MAML2: variants seen among roughly 807,000 people sequenced by gnomAD.
The protein encoded by MAML2 is mastermind like transcriptional coactivator 2.
In MAML2, 22 loss-of-function variants were observed where a neutral mutation model predicts 96.1. The observed-to-expected ratio is 0.23, with a 90% CI of 0.16 to 0.33. The LOEUF is 0.33. Ranked by LOEUF, MAML2 falls within the 10% of genes least tolerant of loss-of-function variation. The pLI, the probability that MAML2 is intolerant of heterozygous loss-of-function variation, is 1.00. For synonymous variants in MAML2, 561 were observed against 521.3 expected, an observed-to-expected ratio of 1.08 and a Z score of -1.04; for missense variants, 1,367 against 1,392.4, an observed-to-expected ratio of 0.98 and a Z score of 0.29.
At chr11:96,147,675 T>G (rs1049826917) in intron 1 of MAML2, among the ~76,000 whole-genome samples, 36 of 152,254 alleles carry the variant, frequency 2.4e-4, no homozygotes, top group African/African-American at 8.2e-4. Flanking sequence ...TCTCCATTGA[T>G]TTCTGGCTAA....
At chr11:96,173,851 G>A (rs896304277) in intron 1 of MAML2, among the ~76,000 whole-genome samples, 1 of 152,220 alleles carries the variant, frequency 6.6e-6, no homozygotes, top group African/African-American at 2.4e-5. Context: ...TTCTCCTGAA[G>A]GAGGCAAAAG....
chr11:96,294,460 G>A (rs997091533), intron 1 of MAML2, among the ~76,000 whole-genome samples: 2 of 152,170 alleles, frequency 1.3e-5, no homozygotes, highest in African/African-American at 4.8e-5. Context: ...GAAAATTTGC[G>A]CATTTTCACC....
intron 1 of MAML2, among the ~76,000 whole-genome samples, chr11:96,292,208 T>C (rs1485738908): frequency 6.6e-6 from 1 of 152,174 alleles, no homozygotes; most frequent in Non-Finnish European, 1.5e-5. Flanking sequence ...CAGCAGCATA[T>C]GATGGAAGTG....
At chr11:96,065,415 G>GCACACACACACACACACGCACA (rs1859229500) in intron 2 of MAML2, among the ~76,000 whole-genome samples, 1 of 149,462 alleles carries the variant, frequency 6.7e-6, no homozygotes, top group East Asian at 2.0e-4. Context: ...GTGCGTGCAT[G>GCACACACACACACACACGCACA]CACACACACA....
At chr11:96,075,803 C>T (rs1859425207) in intron 2 of MAML2, among the ~76,000 whole-genome samples, 1 of 152,186 alleles carries the variant, frequency 6.6e-6, no homozygotes, top group Non-Finnish European at 1.5e-5. Flanking sequence ...AGGTTTGTGG[C>T]TGGTATCATA....
intron 2 of MAML2, among the ~76,000 whole-genome samples, chr11:96,091,399 C>T (rs529699380): frequency 3.3e-5 from 5 of 152,124 alleles, no homozygotes; most frequent in East Asian, 3.8e-4. Context: ...AGGGAGTCAT[C>T]GCAGGATCAT....
intron 1 of MAML2, among the ~76,000 whole-genome samples, chr11:96,268,644 C>G (rs907611640): frequency 2.6e-5 from 4 of 152,192 alleles, no homozygotes; most frequent in African/African-American, 9.6e-5. Context: ...TAATTCCTAT[C>G]TGTCATGGGA....
chr11:96,162,557 C>T (rs528615989), intron 1 of MAML2, among the ~76,000 whole-genome samples: 5 of 151,614 alleles, frequency 3.3e-5, no homozygotes, highest in South Asian at 4.2e-4. Flanking sequence ...ACTAAAAATA[C>T]GAAATTAGCC....
At chr11:96,216,243 C>T (rs1286102764) in intron 1 of MAML2, among the ~76,000 whole-genome samples, 3 of 152,210 alleles carry the variant, frequency 2.0e-5, no homozygotes, top group Non-Finnish European at 2.9e-5. Context: ...TCTTAGCCTA[C>T]TCCTCAACCT....
At chr11:96,057,771 G>C (rs987681848) in intron 2 of MAML2, among the ~76,000 whole-genome samples, 2 of 152,148 alleles carry the variant, frequency 1.3e-5, no homozygotes, top group African/African-American at 2.4e-5. Flanking sequence ...TCCTTAAAGT[G>C]CATTTCATAC....
intron 1 of MAML2, among the ~76,000 whole-genome samples, chr11:96,239,317 A>G (rs1862401971): frequency 6.6e-6 from 1 of 152,232 alleles, no homozygotes. Flanking sequence ...ATGGCAGTAG[A>G]AGAGACGGAA....
rs189855002 is a variant in MAML2 at position 96,343,097 on chromosome 11, T to C, written c.-1202A>G. ...TATTTTCCTTTCTCTTTCTCGTCTG[T>C]TGTTAGCCGCTTTGCTGACACTGGC... is the stretch of plus-strand genomic sequence containing the variant. On this transcript the variant is annotated 5_prime_UTR_variant, in exon 1 of 5. Coordinates refer to ENST00000524717, the MANE Select transcript of MAML2 (RefSeq NM_032427.4). The C allele has an allele frequency of 1.4e-3, 563 of 398,588 alleles. 1 individual carries two copies. The highest frequency in any genetic ancestry group is 8.7e-3 in the African/African-American group (423 of 48,744). 24.7% of individuals were successfully genotyped at this position (398,588 alleles called of 1,614,324 possible).
At chr11:96,264,377 C>A (rs1335488342) in intron 1 of MAML2, among the ~76,000 whole-genome samples, 1 of 152,154 alleles carries the variant, frequency 6.6e-6, no homozygotes. Context: ...CCAATACCTA[C>A]CTCTGGCAGG....
chr11:96,136,498 C>T (rs916273197), intron 1 of MAML2, among the ~76,000 whole-genome samples: 1 of 152,152 alleles, frequency 6.6e-6, no homozygotes, highest in African/African-American at 2.4e-5. Flanking sequence ...CCCCCACCCC[C>T]CAAACTACAA....
chr11:96,277,186 C>T (rs34881295), intron 1 of MAML2, among the ~76,000 whole-genome samples: 25,931 of 152,136 alleles, frequency 0.17, 2,773 homozygotes, highest in Middle Eastern at 0.27. Flanking sequence ...ACCATTTTTA[C>T]CAGGCCAGGA....
intron 1 of MAML2, among the ~76,000 whole-genome samples, chr11:96,155,879 C>A (rs1428342779): frequency 6.6e-6 from 1 of 151,982 alleles, no homozygotes; most frequent in African/African-American, 2.4e-5. Context: ...TGCAATGTGG[C>A]CTCTGTGGAT....
intron 1 of MAML2, among the ~76,000 whole-genome samples, chr11:96,268,659 C>T (rs941964784): frequency 6.6e-6 from 1 of 152,094 alleles, no homozygotes; most frequent in East Asian, 1.9e-4. Context: ...ATGGGAGGGA[C>T]CCAGTGGGAG....
chr11:96,247,946 T>C (rs967582388), intron 1 of MAML2, among the ~76,000 whole-genome samples: 10 of 152,122 alleles, frequency 6.6e-5, no homozygotes, highest in Non-Finnish European at 1.5e-4. Flanking sequence ...GTTGAATACT[T>C]GAAAACTGGC....
intron 1 of MAML2, among the ~76,000 whole-genome samples, chr11:96,134,686 C>T (rs1811277067): frequency 6.6e-6 from 1 of 152,078 alleles, no homozygotes; most frequent in Admixed American, 6.5e-5. Flanking sequence ...TTTTACTTAC[C>T]ACATTGTGGT....
Sources: gnomAD v4.1 joint callset for allele counts (sites outside exome capture counted in the v4.1 genomes callset) on GRCh38, gnomAD v4.1.1 for gene constraint, MANE v1.5 for transcripts, NCBI Gene and HGNC (gene_info 2026-07-23, HGNC 2026-07-21) for gene names.